MRPS23: variants seen among roughly 807,000 people sequenced by gnomAD.
MRPS23 encodes the protein small ribosomal subunit protein mS23.
MRPS23 carries 14 observed loss-of-function variants against 19.8 expected under a neutral mutation model. The observed-to-expected ratio is 0.71, with a 90% CI of 0.47 to 1.11. The LOEUF (loss-of-function observed/expected upper bound fraction) is 1.11. Ranked by LOEUF, MRPS23 falls within the 50% of genes least tolerant of loss-of-function variation. The probability of loss-of-function intolerance (pLI) is 0.00; values close to 1 mark genes in which losing one functional copy is unlikely to be tolerated. For missense variants in MRPS23, 242 were observed against 236.7 expected, an observed-to-expected ratio of 1.02 and a Z score of -0.15; for synonymous variants, 113 against 89.7, an observed-to-expected ratio of 1.26 and a Z score of -1.47.
intron 2 of MRPS23, among the ~76,000 whole-genome samples, chr17:57,844,723 T>C (rs1385377037): frequency 2.8e-5 from 4 of 145,124 alleles, no homozygotes; most frequent in South Asian, 2.1e-4. Context: ...TGAGCTGAGA[T>C]TGAACCACTG....
At chr17:57,849,866 C>T (rs1334481743) in intron 1 of MRPS23, 101 bp downstream of exon 1, 3 of 1,392,680 alleles carry the variant, frequency 2.2e-6, no homozygotes, top group Non-Finnish European at 2.9e-6. Flanking sequence ...CCCTGCAATA[C>T]GCCTCGCCCT....
Position 57,839,792 on chromosome 17 carries a change from C to T in MRPS23, c.564G>A (p.Leu188=). The change falls in exon 5 of 5, where the codon TTG becomes TTA. Residue 188 remains leucine (L), a synonymous_variant. Transcript: ENST00000313608. Reference sequence around the variant, plus strand: ...ACAGTATACAGGTCCTTCAGGGAGGCAAGAGACCTTTCGACTGGTCTGCAG... The same window carrying T: ...ACAGTATACAGGTCCTTCAGGGAGGTAAGAGACCTTTCGACTGGTCTGCAG... The part of the protein sequence containing the change: ...EAPADQSKGL[L]PP 6.2e-7 allele frequency: 1 copy of T among 1,614,044 alleles called. No individual in the cohort carries two copies. The highest frequency in any genetic ancestry group is 1.1e-5 in the South Asian group (1 of 91,078).
At chr17:57,842,560 T>C (rs1202800944) in intron 2 of MRPS23, among the ~76,000 whole-genome samples, 1 of 152,208 alleles carries the variant, frequency 6.6e-6, no homozygotes, top group Non-Finnish European at 1.5e-5. Context: ...TTTAGTGCAC[T>C]ACGTAAATAA....
At chr17:57,844,693 C>T (rs2073760982) in intron 2 of MRPS23, among the ~76,000 whole-genome samples, 1 of 149,890 alleles carries the variant, frequency 6.7e-6, no homozygotes, top group Admixed American at 6.6e-5. Flanking sequence ...ATGCTTGAAC[C>T]CGGGAGGTGG....
At chr17:57,849,944 C>T (rs752563184) in intron 1 of MRPS23, 23 bp downstream of exon 1, 9 of 1,581,420 alleles carry the variant, frequency 5.7e-6, no homozygotes, top group Non-Finnish European at 7.7e-6. Context: ...CACCCTCAGC[C>T]CACCACGGCT....
intron 2 of MRPS23, among the ~76,000 whole-genome samples, chr17:57,846,958 A>G (rs1315360549): frequency 6.6e-6 from 1 of 151,520 alleles, no homozygotes; most frequent in East Asian, 1.9e-4. Flanking sequence ...TAAAAATAAA[A>G]AATAAAAAAA....
In MRPS23 at chr17:57,837,779, T is replaced by TG. The variant is rs1392347433; in HGVS notation, c.*2003dup. ...CCAGGAGTTTGAGACCAGGCCAGCC[T>TG]GGGCAACATAGCAAGACTCCATCTC... On this transcript the variant is annotated 3_prime_UTR_variant, in exon 5 of 5. Transcript: ENST00000313608. 1 of 152,788 alleles carries TG rather than the reference T, an allele frequency of 6.5e-6. No individual in the cohort carries two copies. Among genetic ancestry groups the TG allele is most frequent in the Admixed American group, 6.6e-5 (1 of 15,200 alleles). The allele number at this position is 152,788 out of a possible 1,614,324, so 9.5% of individuals were successfully genotyped here.
intron 4 of MRPS23, 141 bp from the exon 5 acceptor site, chr17:57,840,076 A>G: frequency 5.9e-6 from 6 of 1,013,638 alleles, no homozygotes; most frequent in Admixed American, 2.6e-5. Context: ...ACTATAACAA[A>G]TAGTAAACAT....
At chr17:57,844,207 A>C (rs1258300100) in intron 2 of MRPS23, among the ~76,000 whole-genome samples, 1 of 150,356 alleles carries the variant, frequency 6.7e-6, no homozygotes, top group Non-Finnish European at 1.5e-5. Flanking sequence ...AGATACAATC[A>C]TAGTGTACTA....
Position 57,848,401 on chromosome 17 carries a change from GTC to G in MRPS23, c.215+837_215+838del, listed in dbSNP as rs1195258355. On this transcript the variant is annotated intron_variant, in intron 2 of 4. Coordinates refer to ENST00000313608, the MANE Select transcript of MRPS23 (RefSeq NM_016070.4). ...ATTTTCCTTCAAATTCCTAGTGATT[GTC>G]TCTCTCTGTCGCCCAGGCTGGAGTG... is the stretch of plus-strand genomic sequence containing the variant. 3.9e-5 allele frequency among the ~76,000 whole-genome samples: 6 copies of G among 152,112 alleles called. 1 individual carries two copies. The East Asian group carries it at 7.7e-4, about 20-fold the overall frequency.
At chr17:57,840,386 C>CAAA (rs35485204) in intron 4 of MRPS23, among the ~76,000 whole-genome samples, 2 of 128,560 alleles carry the variant, frequency 1.6e-5, no homozygotes, top group Non-Finnish European at 3.4e-5. Context: ...GACTCCGTCT[C>CAAA]AAAAAAAAAA....
In MRPS23 at chr17:57,849,240, G is replaced by T; in HGVS notation, c.215C>A (p.Ala72Glu). The T allele has an allele frequency of 6.2e-7, 1 of 1,614,128 alleles. No individual in the cohort carries two copies. The highest frequency in any genetic ancestry group is 8.5e-7 in the Non-Finnish European group (1 of 1,179,990). ...GTCCACTACAGGGCTGAGCACTCAC[G>T]CTCTAATCCGATCCTCGTGGTACCA... ...DIWYHEDRIR[A>E]KFYSVYGSGQ... The change falls in exon 2 of 5, where the codon GCG becomes GAG. Residue 72 changes from alanine to glutamate, a missense_variant and splice_region_variant. Transcript: ENST00000313608.
chr17:57,840,815 T>C lies in MRPS23; in HGVS notation c.420+111A>G, dbSNP rs907288083. ...AAAAACCACAGCACTTTATAAAAGG[T>C]ATTTCAGCATCTGTGAATATTGGTA... is the stretch of plus-strand genomic sequence containing the variant. On this transcript the variant is annotated intron_variant, in intron 4 of 4. Coordinates refer to ENST00000313608, the MANE Select transcript of MRPS23 (RefSeq NM_016070.4). The C allele has an allele frequency of 4.3e-6, 6 of 1,400,490 alleles. No individual in the cohort carries two copies. In the African/African-American group the frequency reaches 8.7e-5, roughly 20 times the overall value. 86.8% of individuals were successfully genotyped at this position (1,400,490 alleles called of 1,614,324 possible).
Position 57,849,902 on chromosome 17 carries a change from G to A in MRPS23, c.44+65C>T, listed in dbSNP as rs574771386. On this transcript the variant is annotated intron_variant, in intron 1 of 4. Coordinates refer to ENST00000313608, the MANE Select transcript of MRPS23 (RefSeq NM_016070.4). ...GCTCAGGTCCGCTCCAAGGAAGAGC[G>A]TGACCGGCTGAGAACCCCAGCCTGG... is the stretch of plus-strand genomic sequence containing the variant. The A allele has an allele frequency of 2.0e-4, 305 of 1,536,086 alleles. 2 individuals are homozygous for A. The South Asian group carries it at 2.2e-3, about 11-fold the overall frequency.
chr17:57,842,891 TACACACACACACACAC>T (rs35501487), intron 2 of MRPS23, among the ~76,000 whole-genome samples: 10 of 76,572 alleles, frequency 1.3e-4, no homozygotes, highest in Admixed American at 3.6e-4. Flanking sequence ...TATATATATA[TACACACACACACACAC>T]ACACACACAC....
Position 57,835,916 on chromosome 17 carries a change from G to C in MRPS23, c.*3867C>G, listed in dbSNP as rs1327601671. 1 of 151,234 alleles carries C rather than the reference G, an allele frequency of 6.6e-6. No homozygotes were observed. The highest frequency in any genetic ancestry group is 1.5e-5 in the Non-Finnish European group (1 of 67,922). 9.4% of individuals were successfully genotyped at this position (151,234 alleles called of 1,614,324 possible). ...CTGAAAGGCTGTTTAATGTTTCAATGGGTTAAAAGAATAAGAATTTCTGCC... is the reference window on the plus strand; with the variant it reads ...CTGAAAGGCTGTTTAATGTTTCAATCGGTTAAAAGAATAAGAATTTCTGCC... On this transcript the variant is annotated 3_prime_UTR_variant, in exon 5 of 5. Coordinates refer to ENST00000313608, the MANE Select transcript of MRPS23 (RefSeq NM_016070.4).
rs750718178 is a variant in MRPS23, at chr17:57,849,974, A to T, written c.37T>A (p.Phe13Ile). 116 of 1,590,276 alleles carry T rather than the reference A, an allele frequency of 7.3e-5. 1 individual carries two copies. The highest frequency in any genetic ancestry group is 9.4e-5 in the Non-Finnish European group (111 of 1,174,778). The part of the protein sequence containing the change: ...GSRLETVGSI[F>I]SRTRDLVRAG... ...ACGGCTGGGAGCACACACCGAGAGA[A>T]GATGCTCCCTACGGTTTCCAGCCGG... The change falls in exon 1 of 5, where the codon TTC becomes ATC. Residue 13 changes from phenylalanine to isoleucine, a missense_variant. Physicochemically the swap from Phe to Ile is conservative, Grantham distance 21. Coordinates refer to ENST00000313608, the MANE Select transcript of MRPS23 (RefSeq NM_016070.4).
chr17:57,840,440 T>C (rs1330519814), intron 4 of MRPS23, among the ~76,000 whole-genome samples: 2 of 151,576 alleles, frequency 1.3e-5, no homozygotes, highest in Non-Finnish European at 2.9e-5. Context: ...TAATGACGAC[T>C]CACTTGTTTC....
chr17:57,844,840 T>C (rs2073762394), intron 2 of MRPS23, among the ~76,000 whole-genome samples: 1 of 151,494 alleles, frequency 6.6e-6, no homozygotes, highest in Non-Finnish European at 1.5e-5. Context: ...CATTCTCCAA[T>C]CATTTATCAT....
Sources: allele counts gnomAD v4.1 joint callset (sites outside exome capture counted in the v4.1 genomes callset), GRCh38; gene constraint gnomAD v4.1.1; transcripts MANE v1.5; gene names NCBI Gene and HGNC (gene_info 2026-07-23, HGNC 2026-07-21).